PRNP: variants seen among roughly 807,000 people sequenced by gnomAD.
PRNP encodes prion protein (Kanno blood group).
A neutral mutation model predicts 21.3 loss-of-function variants in PRNP; 15 were observed. That is an observed-to-expected ratio of 0.71 (90% CI 0.47 to 1.09). The LOEUF (loss-of-function observed/expected upper bound fraction) is 1.09. PRNP is among the 50% of genes least tolerant of loss of function. The probability of loss-of-function intolerance (pLI) is 0.00; values close to 1 mark genes in which losing one functional copy is unlikely to be tolerated. For missense variants in PRNP, 285 were observed against 340.9 expected (o/e 0.84, Z 1.29); for synonymous variants, 121 against 123.1 (o/e 0.98, Z 0.11).
At position 4,701,573 on chromosome 20, in the gene PRNP, G is replaced by C. The variant is rs961759029; in HGVS notation, c.*1591G>C. ...TTAATATCTGACTGAAATTAAACGA[G>C]CGAAGATGAGCACCACCTCCCGTGT... On this transcript the variant is annotated 3_prime_UTR_variant, in exon 2 of 2. Coordinates refer to ENST00000379440, the MANE Select transcript of PRNP (RefSeq NM_000311.5). This position sits in a 1 kb window ranked among gnomAD's most constrained non-coding sequence, Gnocchi z 4.2. 8 of 167,122 alleles carry C rather than the reference G, an allele frequency of 4.8e-5. No homozygotes were observed. The highest frequency in any genetic ancestry group is 1.0e-4 in the Non-Finnish European group (7 of 68,108). The allele number at this position is 167,122 out of a possible 1,614,324, so 10.4% of individuals were successfully genotyped here.
intron 1 of PRNP, among the ~76,000 whole-genome samples, chr20:4,687,570 A>G (rs572521305): frequency 6.7e-6 from 1 of 149,738 alleles, no homozygotes; most frequent in African/African-American, 2.5e-5. Flanking sequence ...CTTCTCTTTG[A>G]GGTGGCTGTA....
At chr20:4,689,273 G>T (rs1921672594) in intron 1 of PRNP, among the ~76,000 whole-genome samples, 1 of 152,134 alleles carries the variant, frequency 6.6e-6, no homozygotes, top group Admixed American at 6.5e-5. Context: ...TCTTAGGAAG[G>T]TTGAAAGTCA....
At chr20:4,689,964 T>G (rs759379975) in intron 1 of PRNP, among the ~76,000 whole-genome samples, 13 of 152,158 alleles carry the variant, frequency 8.5e-5, no homozygotes, top group Non-Finnish European at 1.5e-4. Context: ...CCTGAGAAGC[T>G]TTTATAGATT....
chr20:4,694,080 CAAG>C (rs1922008478), intron 1 of PRNP, among the ~76,000 whole-genome samples: 9 of 121,086 alleles, frequency 7.4e-5, no homozygotes, highest in Admixed American at 8.5e-5. Flanking sequence ...GACCCTGTCT[CAAG>C]AAAAAAAAAA....
chr20:4,691,361 C>T (rs565772860), intron 1 of PRNP, among the ~76,000 whole-genome samples: 2 of 152,254 alleles, frequency 1.3e-5, no homozygotes, highest in South Asian at 2.1e-4. Context: ...AGGAAAAGCT[C>T]TCAATTTTTC....
At chr20:4,694,629 TTTTA>T (rs1231158146) in intron 1 of PRNP, among the ~76,000 whole-genome samples, 4 of 152,136 alleles carry the variant, frequency 2.6e-5, no homozygotes, top group Admixed American at 2.0e-4. Context: ...TTTTTGTGGG[TTTTA>T]TTTATTAAAT....
Position 4,700,008 on chromosome 20 carries a change from T to G in PRNP, c.*26T>G. ...GGAAGGTCTTCCTGTTTTCACCATC[T>G]TTCTAATCTTTTTCCAGCTTGAGGG... On this transcript the variant is annotated 3_prime_UTR_variant, in exon 2 of 2. Coordinates refer to ENST00000379440, the MANE Select transcript of PRNP (RefSeq NM_000311.5). The surrounding 1 kb of genome is among the most constrained non-coding windows in gnomAD (Gnocchi z 4.1). 1 of 1,578,648 alleles carries G rather than the reference T, an allele frequency of 6.3e-7. No individual in the cohort carries two copies.
intron 1 of PRNP, among the ~76,000 whole-genome samples, chr20:4,694,373 T>C (rs1363319973): frequency 6.6e-6 from 1 of 152,124 alleles, no homozygotes; most frequent in Non-Finnish European, 1.5e-5. Context: ...AACTGGCACA[T>C]ACTAGTTATT....
intron 1 of PRNP, among the ~76,000 whole-genome samples, chr20:4,691,843 T>A (rs763654381): frequency 1.3e-5 from 2 of 152,234 alleles, no homozygotes; most frequent in Non-Finnish European, 2.9e-5. Flanking sequence ...TCAGTCTAAT[T>A]AAGTTTGTTA....
intron 1 of PRNP, among the ~76,000 whole-genome samples, chr20:4,695,916 C>T (rs1922138120): frequency 6.6e-6 from 1 of 152,104 alleles, no homozygotes; most frequent in African/African-American, 2.4e-5. Context: ...TTTATTGGTT[C>T]GTGGTGCCCA....
intron 1 of PRNP, among the ~76,000 whole-genome samples, chr20:4,694,080 C>CA (rs1462602937): frequency 1.4e-3 from 166 of 121,112 alleles, no homozygotes; most frequent in African/African-American, 5.2e-3. Context: ...GACCCTGTCT[C>CA]AAGAAAAAAA....
chr20:4,692,030 C>G (rs1921860985), intron 1 of PRNP, among the ~76,000 whole-genome samples: 1 of 152,170 alleles, frequency 6.6e-6, no homozygotes, highest in Non-Finnish European at 1.5e-5. Context: ...TTCTAAATCT[C>G]CCGTCCAAAA....
chr20:4,693,428 C>T (rs535286309), intron 1 of PRNP, among the ~76,000 whole-genome samples: 1 of 152,276 alleles, frequency 6.6e-6, no homozygotes, highest in Non-Finnish European at 1.5e-5. Context: ...GCCTGAGCTT[C>T]CCAAAGTGCT....
In PRNP at chr20:4,700,108, TCAATA is replaced by T. The variant is rs1568536020; in HGVS notation, c.*128_*132del. On this transcript the variant is annotated 3_prime_UTR_variant, in exon 2 of 2. Coordinates refer to ENST00000379440, the MANE Select transcript of PRNP (RefSeq NM_000311.5). This position sits in a 1 kb window ranked among gnomAD's most constrained non-coding sequence, Gnocchi z 4.1. ...TCTCTCTTTGTCCCGGATAGGCTAA[TCAATA>T]CCCTTGGCACTGATGGGCACTGGAA... 1 of 1,550,014 alleles carries T rather than the reference TCAATA, an allele frequency of 6.5e-7. No homozygotes were observed. The highest frequency in any genetic ancestry group is 1.2e-5 in the South Asian group (1 of 83,222).
chr20:4,695,614 G>T (rs1318044511), intron 1 of PRNP, among the ~76,000 whole-genome samples: 2 of 152,140 alleles, frequency 1.3e-5, no homozygotes, highest in Non-Finnish European at 2.9e-5. Flanking sequence ...ATTCCTTTGG[G>T]TATATACCTA....
At position 4,700,177 on chromosome 20, in the gene PRNP, T is replaced by C; in HGVS notation, c.*195T>C. ...CCTGAGATGCTGGTCAAGCCCCCTTTGATTGAGTTCATCATGAGCCGTTGC... is the reference window on the plus strand; with the variant it reads ...CCTGAGATGCTGGTCAAGCCCCCTTCGATTGAGTTCATCATGAGCCGTTGC... On this transcript the variant is annotated 3_prime_UTR_variant, in exon 2 of 2. Coordinates refer to ENST00000379440, the MANE Select transcript of PRNP (RefSeq NM_000311.5). This position sits in a 1 kb window ranked among gnomAD's most constrained non-coding sequence, Gnocchi z 4.1. 6.6e-7 allele frequency: 1 copy of C among 1,510,844 alleles called. No individual in the cohort carries two copies. Among genetic ancestry groups the C allele is most frequent in the South Asian group, 1.2e-5 (1 of 82,412 alleles). 93.6% of individuals were successfully genotyped at this position (1,510,844 alleles called of 1,614,324 possible).
intron 1 of PRNP, among the ~76,000 whole-genome samples, chr20:4,696,648 A>G (rs1374418503): frequency 6.6e-6 from 1 of 152,204 alleles, no homozygotes; most frequent in African/African-American, 2.4e-5. Context: ...GTCCCATGAC[A>G]ATGGATGTCC....
In PRNP at chr20:4,697,334, A is replaced by C. The variant is rs1421087742; in HGVS notation, c.-10-1877A>C. Among the ~76,000 whole-genome samples, 1 of 152,228 alleles carries C rather than the reference A, an allele frequency of 6.6e-6. No individual in the cohort carries two copies. The highest frequency in any genetic ancestry group is 1.5e-5 in the Non-Finnish European group (1 of 68,048). On this transcript the variant is annotated intron_variant, in intron 1 of 1. Coordinates refer to ENST00000379440, the MANE Select transcript of PRNP (RefSeq NM_000311.5). The surrounding 1 kb of genome is among the most constrained non-coding windows in gnomAD (Gnocchi z 4.6). ...TAGGAACACTGCTGTGAACAAAACCAAACTCCCGCCCTAAAGGAGCCTGCA... is the reference window on the plus strand; with the variant it reads ...TAGGAACACTGCTGTGAACAAAACCCAACTCCCGCCCTAAAGGAGCCTGCA...
In PRNP at chr20:4,686,930, G is replaced by C. The variant is rs561512351; in HGVS notation, c.-11+418G>C. ...CTCCGCAGGGCGCGGGGCGGGGAGG[G>C]GCGCCTGGGGGCCGCGGGGCTCGCG... On this transcript the variant is annotated intron_variant, in intron 1 of 1. Transcript: ENST00000379440. The surrounding 1 kb of genome is among the most constrained non-coding windows in gnomAD (Gnocchi z 6.7). Among the ~76,000 whole-genome samples the C allele has an allele frequency of 2.1e-3, 323 of 151,582 alleles. No individual in the cohort carries two copies. The highest frequency in any genetic ancestry group is 0.01 in the Middle Eastern group (3 of 290).
Sources: allele counts gnomAD v4.1 joint callset (sites outside exome capture counted in the v4.1 genomes callset), GRCh38; gene constraint gnomAD v4.1.1; non-coding constraint Gnocchi (gnomAD v3.1); transcripts MANE v1.5; gene names NCBI Gene and HGNC (gene_info 2026-07-23, HGNC 2026-07-21).